KIAA1217: variants seen among roughly 807,000 people sequenced by gnomAD.
The protein encoded by KIAA1217 is KIAA1217, also known as sickle tail protein homolog.
Under a neutral mutation model 163.9 loss-of-function variants are expected in KIAA1217, and 88 were observed. The observed-to-expected ratio is 0.54, with a 90% CI of 0.45 to 0.64. The LOEUF is 0.64. Among genes scored for constraint, KIAA1217 ranks in the 30% least tolerant of loss-of-function variants. The probability of loss-of-function intolerance (pLI) is 0.00; values close to 1 mark genes in which losing one functional copy is unlikely to be tolerated. For missense variants in KIAA1217, 2,372 were observed against 2,475.0 expected (o/e 0.96, Z 0.88); for synonymous variants, 903 against 923.1 (o/e 0.98, Z 0.39).
At chr10:24,352,885 A>C (rs2048629294) in intron 2 of KIAA1217, among the ~76,000 whole-genome samples, 1 of 149,714 alleles carries the variant, frequency 6.7e-6, no homozygotes, top group African/African-American at 2.4e-5. Flanking sequence ...AAAGGAGGGA[A>C]TGTGGCTTTA....
chr10:24,412,801 G>A (rs1319085082), intron 3 of KIAA1217, among the ~76,000 whole-genome samples: 3 of 152,150 alleles, frequency 2.0e-5, no homozygotes, highest in East Asian at 1.9e-4. Context: ...GATGACCGCT[G>A]TAGCCTGGAT....
intron 2 of KIAA1217, among the ~76,000 whole-genome samples, chr10:24,362,788 G>A (rs145696721): frequency 0.011 from 1,631 of 152,222 alleles, 34 homozygotes; most frequent in African/African-American, 0.037. Flanking sequence ...ATCACTTGAG[G>A]CCCGGAGTTC....
intron 2 of KIAA1217, among the ~76,000 whole-genome samples, chr10:24,094,225 CA>C (rs2062057518): frequency 6.6e-6 from 1 of 152,188 alleles, no homozygotes; most frequent in Non-Finnish European, 1.5e-5. Context: ...GGAATCACCA[CA>C]CTGACTTCCA....
chr10:24,103,611 A>C lies in KIAA1217; in HGVS notation c.-171+96237A>C, dbSNP rs2062504546. 2.6e-5 allele frequency among the ~76,000 whole-genome samples: 4 copies of C among 152,262 alleles called. No homozygotes were observed. The South Asian group carries it at 6.2e-4, about 24-fold the overall frequency. ...GGACTTAGCAGATATGTCCCCAAAGAATATATACAGATAGAAAAAAAGCAT... is the reference window on the plus strand; with the variant it reads ...GGACTTAGCAGATATGTCCCCAAAGCATATATACAGATAGAAAAAAAGCAT... On this transcript the variant is annotated intron_variant, in intron 2 of 18. Coordinates refer to the KIAA1217 transcript ENST00000376462.
Position 24,425,919 on chromosome 10 carries a change from G to A in KIAA1217, c.554-7076G>A, listed in dbSNP as rs966353843. ...GTATCAACCTTTGCCAATGTTGTAG[G>A]TGTAAAAACTTACCTTGCTATTTTA... On this transcript the variant is annotated intron_variant, in intron 3 of 20. Coordinates refer to ENST00000376454, the MANE Select transcript of KIAA1217 (RefSeq NM_019590.5). Among the ~76,000 whole-genome samples, 9 of 152,262 alleles carry A rather than the reference G, an allele frequency of 5.9e-5. No homozygotes were observed. In the East Asian group the frequency reaches 1.7e-3, roughly 29 times the overall value.
intron 2 of KIAA1217, among the ~76,000 whole-genome samples, chr10:24,177,207 G>T (rs2065934934): frequency 1.4e-5 from 2 of 144,910 alleles, no homozygotes; most frequent in African/African-American, 5.2e-5. Context: ...CAAGCCTGAG[G>T]AGGCACCGAA....
rs540462749 is a variant in KIAA1217, at chr10:24,339,633, C to T, written c.355-41236C>T. On this transcript the variant is annotated intron_variant, in intron 2 of 20. Coordinates refer to ENST00000376454, the MANE Select transcript of KIAA1217 (RefSeq NM_019590.5). ...TGTTTCCACACTTAATTTCACAACTCTCTATTAGGTATCATTATCACTGTT... is the reference window on the plus strand; with the variant it reads ...TGTTTCCACACTTAATTTCACAACTTTCTATTAGGTATCATTATCACTGTT... 5.3e-5 allele frequency among the ~76,000 whole-genome samples: 8 copies of T among 152,322 alleles called. No individual in the cohort carries two copies. The South Asian group carries it at 1.7e-3, about 32-fold the overall frequency.
chr10:24,059,524 T>G (rs1456150198), intron 2 of KIAA1217, among the ~76,000 whole-genome samples: 1 of 152,144 alleles, frequency 6.6e-6, no homozygotes, highest in African/African-American at 2.4e-5. Context: ...GTTAAGAGGT[T>G]TTTGATTACT....
At chr10:24,361,197 A>G (rs220347) in intron 2 of KIAA1217, among the ~76,000 whole-genome samples, 36,849 of 151,284 alleles carry the variant, frequency 0.24, 4,631 homozygotes, top group South Asian at 0.36. Context: ...ATGTTATTTT[A>G]TTTTTTGAGA....
At chr10:23,810,959 A>C (rs1228362897) in intron 1 of KIAA1217, among the ~76,000 whole-genome samples, 1 of 117,472 alleles carries the variant, frequency 8.5e-6, no homozygotes, top group East Asian at 2.3e-4. Context: ...TATATAATAT[A>C]TATAGTATAT....
At chr10:24,177,060 G>A (rs1432228049) in intron 2 of KIAA1217, among the ~76,000 whole-genome samples, 4 of 151,366 alleles carry the variant, frequency 2.6e-5, no homozygotes, top group East Asian at 2.0e-4. Context: ...GCACAGCCCC[G>A]ATTCCCGCCC....
chr10:24,060,325 C>A (rs1464969116), intron 2 of KIAA1217, among the ~76,000 whole-genome samples: 1 of 152,048 alleles, frequency 6.6e-6, no homozygotes, highest in Non-Finnish European at 1.5e-5. Flanking sequence ...ATTGTATTTT[C>A]ATTTTTGTTG....
intron 2 of KIAA1217, among the ~76,000 whole-genome samples, chr10:24,360,875 A>G (rs2049886313): frequency 6.7e-6 from 1 of 148,596 alleles, no homozygotes; most frequent in Non-Finnish European, 1.5e-5. Context: ...CAAATTTATC[A>G]GTAGTTATTT....
chr10:24,500,390 G>C (rs2067406116), intron 8 of KIAA1217, among the ~76,000 whole-genome samples: 1 of 132,134 alleles, frequency 7.6e-6, no homozygotes, highest in Non-Finnish European at 1.6e-5. Flanking sequence ...CTCCAGAAGA[G>C]TGTGTGCGTG....
rs143196153 is a variant in KIAA1217, at chr10:23,808,897, TAAA to T, written c.-321+113664_-321+113666del. ...GTGAAAATGTATAATATTAACAGCA[TAAA>T]GAAAATTTTATCAGCTTCCAGAGAG... On this transcript the variant is annotated intron_variant, in intron 1 of 18. Coordinates refer to the KIAA1217 transcript ENST00000376462. Among the ~76,000 whole-genome samples the T allele has an allele frequency of 7.2e-3, 1,090 of 152,126 alleles. 7 individuals are homozygous for T. Among genetic ancestry groups the T allele is most frequent in the Non-Finnish European group, 0.01 (683 of 67,936 alleles).
intron 2 of KIAA1217, among the ~76,000 whole-genome samples, chr10:24,062,400 G>A (rs1166997312): frequency 6.7e-6 from 1 of 148,888 alleles, no homozygotes; most frequent in Non-Finnish European, 1.5e-5. Context: ...TTGGTTTTTG[G>A]TCCTTGAGAT....
At chr10:23,970,534 T>C (rs775835304) in intron 1 of KIAA1217, among the ~76,000 whole-genome samples, 2 of 152,186 alleles carry the variant, frequency 1.3e-5, no homozygotes, top group Non-Finnish European at 2.9e-5. Flanking sequence ...AAAGTTTCAG[T>C]TAAACAGAAA....
intron 2 of KIAA1217, among the ~76,000 whole-genome samples, chr10:24,348,426 C>G (rs1321724144): frequency 6.6e-6 from 1 of 152,146 alleles, no homozygotes; most frequent in East Asian, 1.9e-4. Context: ...CATTCCAATA[C>G]TCACATAATA....
chr10:23,816,937 C>A (rs1196576143), intron 1 of KIAA1217, among the ~76,000 whole-genome samples: 1 of 152,198 alleles, frequency 6.6e-6, no homozygotes, highest in African/African-American at 2.4e-5. Context: ...GATGACTCTG[C>A]TGTTCTCAGG....
Sources: allele counts gnomAD v4.1 joint callset (sites outside exome capture counted in the v4.1 genomes callset), GRCh38; gene constraint gnomAD v4.1.1; transcripts MANE v1.5; gene names NCBI Gene and HGNC (gene_info 2026-07-23, HGNC 2026-07-21).